The following RIMS2 variants were observed in gnomAD, a reference collection of about 807,000 sequenced individuals.
The protein encoded by RIMS2 is regulating synaptic membrane exocytosis 2.
RIMS2 carries 59 observed loss-of-function variants against 174.4 expected under a neutral mutation model. That is an observed-to-expected ratio of 0.34 (90% CI 0.27 to 0.42). The LOEUF is 0.42. RIMS2 is among the 10% of genes least tolerant of loss of function. The pLI is 1.00. For missense variants in RIMS2, 1,620 were observed against 1,666.3 expected, an observed-to-expected ratio of 0.97 and a Z score of 0.48; for synonymous variants, 606 against 572.5, an observed-to-expected ratio of 1.06 and a Z score of -0.84.
At chr8:104,073,622 A>G (rs1378236933) in intron 19 of RIMS2, among the ~76,000 whole-genome samples, 2 of 152,200 alleles carry the variant, frequency 1.3e-5, no homozygotes, top group African/African-American at 4.8e-5. Context: ...ATCTCTTCAA[A>G]TGGAGGCCAG....
At chr8:104,220,813 C>G (rs923779336) in intron 19 of RIMS2, among the ~76,000 whole-genome samples, 4 of 152,012 alleles carry the variant, frequency 2.6e-5, no homozygotes, top group African/African-American at 9.7e-5. Flanking sequence ...CACTATGTTG[C>G]CCAGGCTGGT....
At chr8:103,667,427 C>T (rs530196789) in intron 1 of RIMS2, among the ~76,000 whole-genome samples, 2 of 152,288 alleles carry the variant, frequency 1.3e-5, no homozygotes, top group African/African-American at 4.8e-5. Flanking sequence ...GACCGCCCAT[C>T]TGGAATAATG....
intron 19 of RIMS2, among the ~76,000 whole-genome samples, chr8:104,117,754 C>T (rs1186100462): frequency 6.6e-6 from 1 of 152,032 alleles, no homozygotes; most frequent in African/African-American, 2.4e-5. Context: ...TCAAAGAAAC[C>T]CTAATATCTT....
At chr8:103,753,472 C>T (rs1367577609) in intron 2 of RIMS2, among the ~76,000 whole-genome samples, 1 of 152,066 alleles carries the variant, frequency 6.6e-6, no homozygotes, top group Non-Finnish European at 1.5e-5. Context: ...GGGGAGGATT[C>T]CCTCTTTTTC....
intron 17 of RIMS2, among the ~76,000 whole-genome samples, chr8:104,007,890 T>A (rs1211393268): frequency 6.6e-6 from 1 of 152,164 alleles, no homozygotes; most frequent in Non-Finnish European, 1.5e-5. Context: ...TTTGGACTTA[T>A]TATGAAGTGA....
intron 3 of RIMS2, among the ~76,000 whole-genome samples, chr8:103,779,186 A>G (rs114028951): frequency 0.01 from 1,546 of 152,232 alleles, 29 homozygotes; most frequent in African/African-American, 0.035. Context: ...ATTTTCTGCC[A>G]TTATATGGGT....
chr8:104,126,052 A>G (rs1037312854), intron 19 of RIMS2, among the ~76,000 whole-genome samples: 5 of 152,126 alleles, frequency 3.3e-5, no homozygotes, highest in African/African-American at 9.6e-5. Context: ...CTTGTGATTG[A>G]GGCTAGAAGG....
intron 19 of RIMS2, among the ~76,000 whole-genome samples, chr8:104,016,231 A>G (rs770973236): frequency 6.6e-6 from 1 of 152,106 alleles, no homozygotes; most frequent in Non-Finnish European, 1.5e-5. Context: ...GAATGAATTC[A>G]TGAAATATTT....
chr8:103,668,413 G>T (rs536246356), intron 1 of RIMS2, among the ~76,000 whole-genome samples: 1 of 152,196 alleles, frequency 6.6e-6, no homozygotes, highest in African/African-American at 2.4e-5. Context: ...GTATGAGAAA[G>T]CTTCTGTATA....
chr8:103,978,892 C>A (rs2093669109), intron 16 of RIMS2, among the ~76,000 whole-genome samples: 1 of 152,038 alleles, frequency 6.6e-6, no homozygotes, highest in Non-Finnish European at 1.5e-5. Context: ...TTGTGTATCT[C>A]AGTATAAAAT....
intron 14 of RIMS2, among the ~76,000 whole-genome samples, chr8:103,949,235 A>T (rs72681395): frequency 0.13 from 19,169 of 151,832 alleles, 1,676 homozygotes; most frequent in Non-Finnish European, 0.19. Flanking sequence ...AATAGATACA[A>T]TCTCAATTAC....
intron 1 of RIMS2, among the ~76,000 whole-genome samples, chr8:103,552,499 G>C (rs896987020): frequency 4.2e-4 from 64 of 152,278 alleles, no homozygotes; most frequent in African/African-American, 1.5e-3. Flanking sequence ...AAAAACGCTA[G>C]AAGAAAACCT....
chr8:103,692,551 G>A (rs2097043663), intron 1 of RIMS2, among the ~76,000 whole-genome samples: 1 of 152,244 alleles, frequency 6.6e-6, no homozygotes, highest in Non-Finnish European at 1.5e-5. Context: ...GGCAAGTACT[G>A]CCTGGGCATT....
chr8:104,059,477 A>G lies in RIMS2; in HGVS notation c.3334+44862A>G, dbSNP rs1245143804. Among the ~76,000 whole-genome samples the G allele has an allele frequency of 1.1e-4, 16 of 150,812 alleles. No individual in the cohort carries two copies. The East Asian group carries it at 1.2e-3, about 11-fold the overall frequency. ...GCTTAAGGAGATTTTGGGCTGAGACAATGGGGTTTTCTAGATATACAATCA... is the reference window on the plus strand; with the variant it reads ...GCTTAAGGAGATTTTGGGCTGAGACGATGGGGTTTTCTAGATATACAATCA... On this transcript the variant is annotated intron_variant, in intron 19 of 23. Coordinates refer to ENST00000504942, the Ensembl canonical transcript of RIMS2.
At chr8:104,220,817 G>T (rs1201287891) in intron 19 of RIMS2, among the ~76,000 whole-genome samples, 3 of 152,044 alleles carry the variant, frequency 2.0e-5, no homozygotes, top group African/African-American at 4.8e-5. Context: ...ATGTTGCCCA[G>T]GCTGGTCTCG....
chr8:103,636,911 C>A (rs1185093553), intron 1 of RIMS2, among the ~76,000 whole-genome samples: 2 of 151,430 alleles, frequency 1.3e-5, no homozygotes, highest in Non-Finnish European at 2.9e-5. Context: ...AAGGAAAGTT[C>A]TCACCCAAGT....
intron 15 of RIMS2, among the ~76,000 whole-genome samples, chr8:103,974,058 C>A (rs540626925): frequency 4.4e-4 from 67 of 152,238 alleles, no homozygotes; most frequent in African/African-American, 1.5e-3. Flanking sequence ...CAACCCTGGG[C>A]AATTGTTCAT....
intron 2 of RIMS2, among the ~76,000 whole-genome samples, chr8:103,722,560 A>C (rs763337692): frequency 2.6e-5 from 4 of 152,122 alleles, no homozygotes; most frequent in Non-Finnish European, 5.9e-5. Context: ...TAATGCCGAC[A>C]CTGATCTGAC....
chr8:104,130,313 C>T (rs1475167928), intron 19 of RIMS2, among the ~76,000 whole-genome samples: 5 of 152,168 alleles, frequency 3.3e-5, no homozygotes, highest in East Asian at 1.9e-4. Context: ...ACCTGTACAC[C>T]GAGCAGTCCT....
Sources: allele counts gnomAD v4.1 joint callset (sites outside exome capture counted in the v4.1 genomes callset), GRCh38; gene constraint gnomAD v4.1.1; transcripts MANE v1.5; gene names NCBI Gene and HGNC (gene_info 2026-07-23, HGNC 2026-07-21).